ZNF385D: variants seen among roughly 807,000 people sequenced by gnomAD.
ZNF385D encodes the protein zinc finger protein 659.
A neutral mutation model predicts 35.8 loss-of-function variants in ZNF385D; 15 were observed. The ratio of observed to expected loss-of-function variants is 0.42; its 90% confidence interval spans 0.28 to 0.64. The LOEUF (loss-of-function observed/expected upper bound fraction) is 0.64. Among genes scored for constraint, ZNF385D ranks in the 30% least tolerant of loss-of-function variants. The pLI, the probability that ZNF385D is intolerant of heterozygous loss-of-function variation, is 0.23. For synonymous variants in ZNF385D, 212 were observed against 186.8 expected (o/e 1.13, Z -1.10); for missense variants, 474 against 494.6 (o/e 0.96, Z 0.39).
At chr3:21,826,010 G>C (rs1419939757) in intron 3 of ZNF385D, among the ~76,000 whole-genome samples, 1 of 152,174 alleles carries the variant, frequency 6.6e-6, no homozygotes, top group African/African-American at 2.4e-5. Flanking sequence ...ATTTGAGGTG[G>C]AACAGTTTCA....
chr3:22,094,962 G>T (rs1270185178), intron 3 of ZNF385D, among the ~76,000 whole-genome samples: 1 of 151,968 alleles, frequency 6.6e-6, no homozygotes, highest in Non-Finnish European at 1.5e-5. Flanking sequence ...GTGGAGTATA[G>T]TGGCTCATGA....
At chr3:21,520,209 T>C (rs1242651107) in intron 3 of ZNF385D, among the ~76,000 whole-genome samples, 2 of 152,156 alleles carry the variant, frequency 1.3e-5, no homozygotes, top group African/African-American at 2.4e-5. Flanking sequence ...ACCTTCTCCA[T>C]GTAGTCTTAG....
intron 3 of ZNF385D, among the ~76,000 whole-genome samples, chr3:21,818,207 C>T (rs1373165430): frequency 6.6e-6 from 1 of 152,132 alleles, no homozygotes; most frequent in Non-Finnish European, 1.5e-5. Flanking sequence ...GGAGGGATAG[C>T]ACTAGGAGAA....
rs1176712847 is a variant in ZNF385D, at chr3:21,414,099, G to T, written c.*7115C>A. ...AATTTCAGTGAATTAAATATTATTA[G>T]AAGAAATTATTGACTAAGTTTCATG... On this transcript the variant is annotated 3_prime_UTR_variant, in exon 8 of 8. Coordinates refer to ENST00000281523, the MANE Select transcript of ZNF385D (RefSeq NM_024697.3). 3.9e-5 allele frequency: 6 copies of T among 151,978 alleles called. No homozygotes were observed. The highest frequency in any genetic ancestry group is 8.8e-5 in the Non-Finnish European group (6 of 67,958). The allele number at this position is 151,978 out of a possible 1,614,324, so 9.4% of individuals were successfully genotyped here.
At chr3:22,298,831 T>G (rs1273398669) in intron 2 of ZNF385D, among the ~76,000 whole-genome samples, 1 of 151,918 alleles carries the variant, frequency 6.6e-6, no homozygotes, top group Non-Finnish European at 1.5e-5. Context: ...AATGCAAAGT[T>G]TCTTGAATAT....
At chr3:21,803,485 T>G (rs1373125907) in intron 3 of ZNF385D, among the ~76,000 whole-genome samples, 1 of 152,202 alleles carries the variant, frequency 6.6e-6, no homozygotes, top group Non-Finnish European at 1.5e-5. Flanking sequence ...TAACTAAGCC[T>G]AAATATTCTG....
intron 3 of ZNF385D, among the ~76,000 whole-genome samples, chr3:22,099,294 G>A (rs953126705): frequency 2.6e-5 from 4 of 152,102 alleles, no homozygotes; most frequent in Admixed American, 6.6e-5. Context: ...CACTGTGAAA[G>A]TTGAGTAGAT....
intron 3 of ZNF385D, among the ~76,000 whole-genome samples, chr3:21,920,443 A>C (rs1318341543): frequency 2.6e-5 from 4 of 152,128 alleles, no homozygotes; most frequent in African/African-American, 9.7e-5. Flanking sequence ...TAATGTACAG[A>C]TATTACAGAC....
intron 3 of ZNF385D, among the ~76,000 whole-genome samples, chr3:21,887,867 T>C (rs1213073817): frequency 6.6e-6 from 1 of 152,088 alleles, no homozygotes; most frequent in Non-Finnish European, 1.5e-5. Flanking sequence ...ATTGATAGAA[T>C]GAGTTAAAAT....
intron 3 of ZNF385D, among the ~76,000 whole-genome samples, chr3:22,030,805 G>A (rs1358739980): frequency 6.6e-6 from 1 of 152,080 alleles, no homozygotes; most frequent in Non-Finnish European, 1.5e-5. Context: ...AAAAGTCCAA[G>A]TCCAAAGTGT....
chr3:22,056,350 GA>G (rs1362498943), intron 3 of ZNF385D, among the ~76,000 whole-genome samples: 1 of 148,834 alleles, frequency 6.7e-6, no homozygotes, highest in African/African-American at 2.5e-5. Context: ...GTAAGAATGG[GA>G]TAAAATATAA....
chr3:22,189,059 G>A (rs1488678296), intron 2 of ZNF385D, among the ~76,000 whole-genome samples: 1 of 152,024 alleles, frequency 6.6e-6, no homozygotes, highest in Non-Finnish European at 1.5e-5. Context: ...TCTTCATTAG[G>A]TGTACAATCC....
At chr3:22,072,481 T>TG (rs1162761004) in intron 3 of ZNF385D, among the ~76,000 whole-genome samples, 1 of 152,124 alleles carries the variant, frequency 6.6e-6, no homozygotes, top group Non-Finnish European at 1.5e-5. Context: ...GTCAGCTGCT[T>TG]GCTGAAGAGC....
chr3:22,281,022 T>C (rs1701710938), intron 2 of ZNF385D, among the ~76,000 whole-genome samples: 1 of 152,066 alleles, frequency 6.6e-6, no homozygotes, highest in Admixed American at 6.6e-5. Flanking sequence ...CTTGAGTTCT[T>C]GATCTGATTC....
At chr3:21,882,868 C>A (rs941301485) in intron 3 of ZNF385D, among the ~76,000 whole-genome samples, 1 of 151,898 alleles carries the variant, frequency 6.6e-6, no homozygotes, top group Non-Finnish European at 1.5e-5. Context: ...TCCACTTTTC[C>A]TCAGAAATTG....
chr3:21,833,966 T>C (rs1384065902), intron 3 of ZNF385D, among the ~76,000 whole-genome samples: 1 of 152,182 alleles, frequency 6.6e-6, no homozygotes, highest in Non-Finnish European at 1.5e-5. Flanking sequence ...TTAGAAGAGT[T>C]CTTTAATTGA....
intron 3 of ZNF385D, among the ~76,000 whole-genome samples, chr3:22,023,794 G>A (rs1697367409): frequency 6.6e-6 from 1 of 151,924 alleles, no homozygotes; most frequent in African/African-American, 2.4e-5. Flanking sequence ...TATAGTCAAA[G>A]GCCAAAAGCA....
chr3:22,139,376 CA>C (rs1396325839), intron 3 of ZNF385D, among the ~76,000 whole-genome samples: 1 of 152,062 alleles, frequency 6.6e-6, no homozygotes, highest in Non-Finnish European at 1.5e-5. Context: ...AAATGTCCAA[CA>C]ATGATAGACT....
At chr3:22,133,353 C>G (rs1388434721) in intron 3 of ZNF385D, among the ~76,000 whole-genome samples, 1 of 151,896 alleles carries the variant, frequency 6.6e-6, no homozygotes, top group African/African-American at 2.4e-5. Context: ...AACATAAACT[C>G]TCTATATCTC....
Sources: allele counts gnomAD v4.1 joint callset (sites outside exome capture counted in the v4.1 genomes callset), GRCh38; gene constraint gnomAD v4.1.1; transcripts MANE v1.5; gene names NCBI Gene and HGNC (gene_info 2026-07-23, HGNC 2026-07-21).